The following CNTN4 variants were observed in gnomAD, a reference collection of about 807,000 sequenced individuals.
CNTN4 encodes contactin 4, also known as contactin-4.
Under a neutral mutation model 122.5 loss-of-function variants are expected in CNTN4, and 77 were observed. That is an observed-to-expected ratio of 0.63 (90% CI 0.52 to 0.76). CNTN4 has a LOEUF of 0.76. CNTN4 is among the 30% of genes least tolerant of loss of function. The pLI is 0.00. For synonymous variants in CNTN4, 512 were observed against 447.0 expected, an observed-to-expected ratio of 1.15 and a Z score of -1.83; for missense variants, 1,256 against 1,259.1, an observed-to-expected ratio of 1.00 and a Z score of 0.04.
At chr3:2,864,319 A>C (rs910320410) in intron 7 of CNTN4, among the ~76,000 whole-genome samples, 1 of 152,160 alleles carries the variant, frequency 6.6e-6, no homozygotes, top group African/African-American at 2.4e-5. Context: ...TTAGAAAAAG[A>C]ATGAAGCAGA....
intron 3 of CNTN4, among the ~76,000 whole-genome samples, chr3:2,559,694 G>A (rs1327775113): frequency 1.3e-5 from 2 of 152,164 alleles, no homozygotes; most frequent in Non-Finnish European, 2.9e-5. Flanking sequence ...TTAATTTGCA[G>A]AAGGCTTCTG....
At chr3:2,460,913 C>T (rs2049181864) in intron 3 of CNTN4, among the ~76,000 whole-genome samples, 1 of 152,024 alleles carries the variant, frequency 6.6e-6, no homozygotes, top group Non-Finnish European at 1.5e-5. Flanking sequence ...ATGTAGCTTC[C>T]AGTTATGGAA....
At chr3:2,185,136 T>C (rs2037189402) in intron 2 of CNTN4, among the ~76,000 whole-genome samples, 1 of 152,162 alleles carries the variant, frequency 6.6e-6, no homozygotes, top group Admixed American at 6.5e-5. Context: ...GAGGCTGACA[T>C]TGATTTGGCA....
At chr3:2,955,082 A>G (rs1008615059) in intron 13 of CNTN4, among the ~76,000 whole-genome samples, 1 of 152,174 alleles carries the variant, frequency 6.6e-6, no homozygotes, top group African/African-American at 2.4e-5. Context: ...GAAATAGTCA[A>G]GAGGGCAAGT....
At chr3:2,377,773 T>TA (rs1263994432) in intron 3 of CNTN4, among the ~76,000 whole-genome samples, 2 of 116,670 alleles carry the variant, frequency 1.7e-5, no homozygotes, top group Non-Finnish European at 3.8e-5. Flanking sequence ...TTTTTTGTGA[T>TA]TATTTTTTTT....
chr3:2,527,647 G>C (rs2077447537), intron 3 of CNTN4, among the ~76,000 whole-genome samples: 1 of 152,074 alleles, frequency 6.6e-6, no homozygotes, highest in Non-Finnish European at 1.5e-5. Context: ...ATTGACTCTG[G>C]GCATAGCTTA....
At chr3:2,138,442 A>G (rs1484701718) in intron 2 of CNTN4, among the ~76,000 whole-genome samples, 1 of 152,104 alleles carries the variant, frequency 6.6e-6, no homozygotes, top group African/African-American at 2.4e-5. Context: ...TGACATGGCT[A>G]ATTTTAGGTC....
intron 3 of CNTN4, among the ~76,000 whole-genome samples, chr3:2,502,500 G>A (rs929674245): frequency 1.3e-5 from 2 of 152,166 alleles, no homozygotes; most frequent in African/African-American, 4.8e-5. Context: ...ACTAGAGCCA[G>A]CAATCAGGGC....
intron 6 of CNTN4, among the ~76,000 whole-genome samples, chr3:2,755,191 G>T (rs2090277002): frequency 1.3e-5 from 2 of 152,186 alleles, no homozygotes; most frequent in Non-Finnish European, 2.9e-5. Flanking sequence ...AAAATGTGCA[G>T]TCGATCAGAA....
intron 4 of CNTN4, among the ~76,000 whole-genome samples, chr3:2,732,478 G>A (rs1459078636): frequency 1.3e-5 from 2 of 150,958 alleles, no homozygotes; most frequent in African/African-American, 4.9e-5. Context: ...CCACTCTTCT[G>A]GTTACATAGA....
At chr3:2,446,738 A>G (rs2048640430) in intron 3 of CNTN4, among the ~76,000 whole-genome samples, 1 of 152,218 alleles carries the variant, frequency 6.6e-6, no homozygotes, top group Non-Finnish European at 1.5e-5. Context: ...TCACGTTATC[A>G]GCGTCTTCTG....
chr3:2,982,842 C>T (rs1694155698), intron 13 of CNTN4, among the ~76,000 whole-genome samples: 1 of 152,026 alleles, frequency 6.6e-6, no homozygotes, highest in South Asian at 2.1e-4. Context: ...GGCATTATTT[C>T]TAGATATATA....
intron 3 of CNTN4, among the ~76,000 whole-genome samples, chr3:2,544,700 G>C (rs1426313167): frequency 2.0e-5 from 3 of 151,434 alleles, no homozygotes; most frequent in Non-Finnish European, 2.9e-5. Flanking sequence ...GTATTTCTGT[G>C]GGGTCAGTGG....
chr3:2,979,344 G>A (rs1577480988), intron 13 of CNTN4, among the ~76,000 whole-genome samples: 1 of 152,160 alleles, frequency 6.6e-6, no homozygotes, highest in East Asian at 1.9e-4. Flanking sequence ...GGGCTATGTA[G>A]GAAGTGGGGA....
intron 1 of CNTN4, among the ~76,000 whole-genome samples, chr3:2,100,234 G>T (rs1368747491): frequency 6.6e-6 from 1 of 152,174 alleles, no homozygotes; most frequent in Non-Finnish European, 1.5e-5. Context: ...TAGTTTTCCT[G>T]CTGGAATCAA....
intron 3 of CNTN4, among the ~76,000 whole-genome samples, chr3:2,403,018 G>A (rs1033444627): frequency 2.6e-5 from 4 of 151,946 alleles, no homozygotes; most frequent in East Asian, 1.9e-4. Context: ...TCAAGGTGTC[G>A]GCAGGGTTCG....
chr3:2,718,419 C>T (rs1243316304), intron 4 of CNTN4, among the ~76,000 whole-genome samples: 1 of 152,100 alleles, frequency 6.6e-6, no homozygotes, highest in African/African-American at 2.4e-5. Flanking sequence ...CTCCTGAATT[C>T]CCTTTTAGAA....
At chr3:2,961,059 T>C (rs2094849633) in intron 13 of CNTN4, among the ~76,000 whole-genome samples, 1 of 143,530 alleles carries the variant, frequency 7.0e-6, no homozygotes, top group Non-Finnish European at 1.5e-5. Flanking sequence ...TGAAACCCCG[T>C]CTCTACTAAA....
intron 6 of CNTN4, among the ~76,000 whole-genome samples, chr3:2,778,011 G>A (rs1322048058): frequency 2.0e-5 from 3 of 151,552 alleles, no homozygotes; most frequent in South Asian, 2.1e-4. Flanking sequence ...TCAGGAGATC[G>A]AGGCCATCCT....
Sources: gnomAD v4.1 joint callset for allele counts (sites outside exome capture counted in the v4.1 genomes callset) on GRCh38, gnomAD v4.1.1 for gene constraint, MANE v1.5 for transcripts, NCBI Gene and HGNC (gene_info 2026-07-23, HGNC 2026-07-21) for gene names.